PCDHA3: variants seen among roughly 807,000 people sequenced by gnomAD.
The protein encoded by PCDHA3 is protocadherin alpha-3.
Under a neutral mutation model 62.2 loss-of-function variants are expected in PCDHA3, and 41 were observed. That is an observed-to-expected ratio of 0.66 (90% CI 0.51 to 0.86). PCDHA3 has a LOEUF of 0.86. Ranked by LOEUF, PCDHA3 falls within the 40% of genes least tolerant of loss-of-function variation. The probability of loss-of-function intolerance (pLI) is 0.00; values close to 1 mark genes in which losing one functional copy is unlikely to be tolerated. For synonymous variants in PCDHA3, 640 were observed against 555.4 expected (o/e 1.15, Z -2.14); for missense variants, 1,304 against 1,241.2 (o/e 1.05, Z -0.76).
intron 1 of PCDHA3, chr5:140,842,493 C>G (rs1554139100): frequency 6.2e-7 from 1 of 1,613,738 alleles, no homozygotes; most frequent in African/African-American, 1.3e-5. Context: ...TCCCTGATGC[C>G]CCATGTCCCC....
chr5:140,962,495 C>T (rs2153732507), intron 1 of PCDHA3, among the ~76,000 whole-genome samples: 1 of 152,240 alleles, frequency 6.6e-6, no homozygotes, highest in Admixed American at 6.5e-5. Context: ...AATTTTCAGA[C>T]ACCTCAGCCA....
chr5:140,902,197 C>T (rs868992860), intron 1 of PCDHA3, among the ~76,000 whole-genome samples: 1 of 143,684 alleles, frequency 7.0e-6, no homozygotes, highest in African/African-American at 2.6e-5. Context: ...CTCTCTCTCT[C>T]TCTTTCTTTT....
chr5:140,834,369 A>T (rs2150215931), intron 1 of PCDHA3: 162 of 1,556,736 alleles, frequency 1.0e-4, no homozygotes, highest in Non-Finnish European at 1.3e-4. Flanking sequence ...TAGAAAAACA[A>T]GCCAATAATT....
At chr5:140,870,578 C>A in intron 1 of PCDHA3, 1 of 1,613,882 alleles carries the variant, frequency 6.2e-7, no homozygotes. Flanking sequence ...GTGTCCTACT[C>A]GCTGGTGGAG....
Position 140,801,608 on chromosome 5 carries a change from A to G in PCDHA3, c.411A>G (p.Val137=), listed in dbSNP as rs61730634. The G allele has an allele frequency of 0.021, 34,379 of 1,614,172 alleles. 441 individuals are homozygous for G. The highest frequency in any genetic ancestry group is 0.026 in the Non-Finnish European group (30,427 of 1,180,026). ...NDNAPVFPMA[V]KNLFISESRQ... is the part of the protein sequence containing the mutation. Reference sequence around the variant, plus strand: ...ACGCGCCAGTTTTTCCAATGGCTGTAAAGAATCTGTTTATTTCCGAATCCC... The same window carrying G: ...ACGCGCCAGTTTTTCCAATGGCTGTGAAGAATCTGTTTATTTCCGAATCCC... The change falls in exon 1 of 4, where the codon GTA becomes GTG. Residue 137 remains valine (V), a synonymous_variant. Transcript: ENST00000522353.
intron 1 of PCDHA3, among the ~76,000 whole-genome samples, chr5:140,922,064 T>C (rs2080596272): frequency 6.6e-6 from 1 of 152,054 alleles, no homozygotes; most frequent in Non-Finnish European, 1.5e-5. Flanking sequence ...AATGTAGCAA[T>C]CCCACTAAGC....
rs1554131612 is a variant in PCDHA3, at chr5:140,828,869, A to G, written c.2394+25278A>G. The G allele has an allele frequency of 3.1e-6, 5 of 1,614,138 alleles. No homozygotes were observed. Among genetic ancestry groups the G allele is most frequent in the Admixed American group, 1.7e-5 (1 of 60,016 alleles). On this transcript the variant is annotated intron_variant, in intron 1 of 3. Coordinates refer to ENST00000522353, the MANE Select transcript of PCDHA3 (RefSeq NM_018906.3). ...ATTCGAAAATGCAGACAACGGAACA[A>G]CAGTTATCAGACTGAATGCTTCTGA...
chr5:140,849,097 A>G, intron 1 of PCDHA3: 2 of 1,481,690 alleles, frequency 1.3e-6, no homozygotes, highest in Non-Finnish European at 9.2e-7. Context: ...AAACTTTTAG[A>G]CAGAGAAGAA....
At chr5:140,900,139 G>A (rs985320509) in intron 1 of PCDHA3, among the ~76,000 whole-genome samples, 2 of 152,156 alleles carry the variant, frequency 1.3e-5, no homozygotes, top group East Asian at 3.9e-4. Context: ...CCACAAATAA[G>A]TAAGAACATA....
chr5:140,821,910 C>T, intron 1 of PCDHA3: 1 of 1,614,236 alleles, frequency 6.2e-7, no homozygotes, highest in East Asian at 2.2e-5. Context: ...CCTTCGTTGG[C>T]CGCATCGCGC....
intron 3 of PCDHA3, among the ~76,000 whole-genome samples, chr5:140,994,308 C>T (rs1402344988): frequency 6.6e-6 from 1 of 152,086 alleles, no homozygotes; most frequent in African/African-American, 2.4e-5. Flanking sequence ...TTTCACAGGG[C>T]CCAAACACTC....
intron 1 of PCDHA3, chr5:140,809,534 G>T: frequency 6.2e-7 from 1 of 1,613,938 alleles, no homozygotes; most frequent in South Asian, 1.1e-5. Context: ...TAGGGACAGA[G>T]AAGATCAGCT....
intron 1 of PCDHA3, among the ~76,000 whole-genome samples, chr5:140,833,457 A>G (rs1304968349): frequency 2.0e-5 from 3 of 152,216 alleles, no homozygotes; most frequent in East Asian, 3.8e-4. Context: ...AATAAAATAA[A>G]CTTACATTTT....
Position 140,956,280 on chromosome 5 carries a change from G to A in PCDHA3, c.2395-22669G>A, listed in dbSNP as rs554735108. On this transcript the variant is annotated intron_variant, in intron 1 of 3. Coordinates refer to ENST00000522353, the MANE Select transcript of PCDHA3 (RefSeq NM_018906.3). ...GCCCATTCAGTGTGGTATTGGCTGT[G>A]GGTTTATCATATATATGGCTCTTAT... Among the ~76,000 whole-genome samples, 16 of 152,206 alleles carry A rather than the reference G, an allele frequency of 1.1e-4. No individual in the cohort carries two copies. In the South Asian group the frequency reaches 3.3e-3, roughly 32 times the overall value.
chr5:140,973,894 G>A (rs1161980569), intron 1 of PCDHA3, among the ~76,000 whole-genome samples: 1 of 152,194 alleles, frequency 6.6e-6, no homozygotes, highest in African/African-American at 2.4e-5. Flanking sequence ...ATTTGCAAAT[G>A]TTTGAGGAAA....
chr5:140,844,051 CAA>C (rs1431845216), intron 1 of PCDHA3, among the ~76,000 whole-genome samples: 4 of 149,544 alleles, frequency 2.7e-5, no homozygotes, highest in African/African-American at 9.8e-5. Flanking sequence ...AGTATTCCCC[CAA>C]AGCGTTTATT....
intron 1 of PCDHA3, chr5:140,967,828 CATCGTGG>C: frequency 6.2e-7 from 1 of 1,614,146 alleles, no homozygotes. Flanking sequence ...TGCTGGTGGA[CATCGTGG>C]ACGTGAATGA....
At position 140,807,520 on chromosome 5, in the gene PCDHA3, C is replaced by A. The variant is rs782091040; in HGVS notation, c.2394+3929C>A. ...GCATCCACCTGGAGGTGATCGTAGA[C>A]AGGCCGCTGCAGGTTTTCCATGTGG... On this transcript the variant is annotated intron_variant, in intron 1 of 3. Coordinates refer to ENST00000522353, the MANE Select transcript of PCDHA3 (RefSeq NM_018906.3). 1.2e-5 allele frequency: 19 copies of A among 1,613,978 alleles called. 1 individual carries two copies. The South Asian group carries it at 1.5e-4, about 13-fold the overall frequency.
At chr5:140,822,549 A>G (rs1554128705) in intron 1 of PCDHA3, 3 of 1,613,866 alleles carry the variant, frequency 1.9e-6, no homozygotes, top group Non-Finnish European at 2.5e-6. Flanking sequence ...CAAGTGGGAC[A>G]TTAGTTATTA....
Sources: gnomAD v4.1 joint callset for allele counts (sites outside exome capture counted in the v4.1 genomes callset) on GRCh38, gnomAD v4.1.1 for gene constraint, MANE v1.5 for transcripts, NCBI Gene and HGNC (gene_info 2026-07-23, HGNC 2026-07-21) for gene names.